Variants in NRXN3 observed in about 807,000 individuals in gnomAD.
NRXN3 encodes neurexin 3.
A neutral mutation model predicts 137.6 loss-of-function variants in NRXN3; 32 were observed. The ratio of observed to expected loss-of-function variants is 0.23; its 90% CI spans 0.18 to 0.31. The LOEUF (loss-of-function observed/expected upper bound fraction) is 0.31, where lower values mean the gene tolerates loss of function less well. Ranked by LOEUF, NRXN3 falls within the 10% of genes least tolerant of loss-of-function variation. The pLI, the probability that NRXN3 is intolerant of heterozygous loss-of-function variation, is 1.00. For missense variants in NRXN3, 1,574 were observed against 2,062.5 expected (o/e 0.76, Z 4.59); for synonymous variants, 798 against 784.5 (o/e 1.02, Z -0.29).
intron 4 of NRXN3, among the ~76,000 whole-genome samples, chr14:78,573,935 A>C (rs2096912618): frequency 6.6e-6 from 1 of 152,212 alleles, no homozygotes; most frequent in South Asian, 2.1e-4. Context: ...GAGGCCAAGG[A>C]GGAAAAAATG....
At chr14:78,443,421 T>A (rs2094320560) in intron 4 of NRXN3, among the ~76,000 whole-genome samples, 1 of 152,170 alleles carries the variant, frequency 6.6e-6, no homozygotes, top group South Asian at 2.1e-4. Context: ...CTGGCATAAA[T>A]CTGCCACCTG....
intron 15 of NRXN3, among the ~76,000 whole-genome samples, chr14:79,120,769 C>T (rs1165771952): frequency 6.6e-6 from 1 of 151,948 alleles, no homozygotes. Context: ...GAAACCGTTC[C>T]AGCAGGAAAT....
chr14:78,558,588 G>C (rs1038618066), intron 4 of NRXN3, among the ~76,000 whole-genome samples: 2 of 151,978 alleles, frequency 1.3e-5, no homozygotes, highest in African/African-American at 4.8e-5. Context: ...TCCTTTAGGG[G>C]GCATCTTTTC....
In NRXN3 at chr14:78,709,674, T is replaced by C. The variant is rs1209265457; in HGVS notation, c.1660+19T>C. ...AGATCAGGTAGGAAGAGGCAGGATGTGTGACTGAGACTAGACGAAAGCTGT... is the reference window on the plus strand; with the variant it reads ...AGATCAGGTAGGAAGAGGCAGGATGCGTGACTGAGACTAGACGAAAGCTGT... On this transcript the variant is annotated intron_variant, in intron 7 of 20. Coordinates refer to ENST00000335750, the MANE Select transcript of NRXN3 (RefSeq NM_001330195.2). 3 of 1,597,032 alleles carry C rather than the reference T, an allele frequency of 1.9e-6. No individual in the cohort carries two copies. The highest frequency in any genetic ancestry group is 2.6e-6 in the Non-Finnish European group (3 of 1,172,146).
At chr14:79,131,090 T>C (rs1442920797) in intron 15 of NRXN3, among the ~76,000 whole-genome samples, 1 of 152,220 alleles carries the variant, frequency 6.6e-6, no homozygotes, top group Non-Finnish European at 1.5e-5. Flanking sequence ...CTAAACTTTT[T>C]CAAGGTTTTC....
intron 19 of NRXN3, among the ~76,000 whole-genome samples, chr14:79,752,854 A>T (rs945645180): frequency 1.3e-5 from 2 of 152,132 alleles, no homozygotes; most frequent in Non-Finnish European, 2.9e-5. Context: ...TCTACAATGA[A>T]CTCAAACAAA....
rs1389620640 is a variant in NRXN3 at position 78,819,233 on chromosome 14, TG to T, written c.2275+8890del. Among the ~76,000 whole-genome samples the T allele has an allele frequency of 2.0e-5, 3 of 152,298 alleles. No homozygotes were observed. In the East Asian group the frequency reaches 5.8e-4, roughly 29 times the overall value. On this transcript the variant is annotated intron_variant, in intron 10 of 20. Coordinates refer to ENST00000335750, the MANE Select transcript of NRXN3 (RefSeq NM_001330195.2). ...CTCCAATCCATTTTATGTGTCTAAT[TG>T]CTATAGTCAGATATACAAGGTGACA...
intron 6 of NRXN3, chr14:78,703,792 A>G (rs531220572): frequency 3.9e-5 from 6 of 152,332 alleles, no homozygotes; most frequent in Non-Finnish European, 5.9e-5. Flanking sequence ...TCAAGTCACA[A>G]ACCTGTGAGT....
chr14:78,299,774 A>G (rs1459359836), intron 4 of NRXN3, among the ~76,000 whole-genome samples: 2 of 152,244 alleles, frequency 1.3e-5, no homozygotes, highest in Non-Finnish European at 2.9e-5. Flanking sequence ...CTTCAGATAC[A>G]ACCATGCTCC....
chr14:79,233,343 G>A (rs2072597243), intron 15 of NRXN3, among the ~76,000 whole-genome samples: 1 of 152,070 alleles, frequency 6.6e-6, no homozygotes, highest in Non-Finnish European at 1.5e-5. Context: ...AGTTAAATGG[G>A]GCTCAGGGTT....
intron 1 of NRXN3, among the ~76,000 whole-genome samples, chr14:78,241,247 C>T (rs2067044764): frequency 6.6e-6 from 1 of 152,176 alleles, no homozygotes; most frequent in African/African-American, 2.4e-5. Flanking sequence ...CACACATACA[C>T]AGACATACAC....
At chr14:78,937,160 T>TGCA (rs1177230301) in intron 10 of NRXN3, among the ~76,000 whole-genome samples, 2 of 146,242 alleles carry the variant, frequency 1.4e-5, no homozygotes, top group African/African-American at 5.1e-5. Flanking sequence ...AGGCGTAGGT[T>TGCA]GCAGTAAGTC....
intron 15 of NRXN3, among the ~76,000 whole-genome samples, chr14:79,460,495 C>A (rs2096319266): frequency 6.6e-6 from 1 of 152,118 alleles, no homozygotes. Flanking sequence ...GAAAAAGGGT[C>A]TCACTCTGCA....
intron 16 of NRXN3, among the ~76,000 whole-genome samples, chr14:79,575,222 G>A (rs932191093): frequency 5.3e-5 from 8 of 152,148 alleles, no homozygotes; most frequent in African/African-American, 1.9e-4. Context: ...ATGGCTCTGA[G>A]TTTGCTACTG....
chr14:78,203,521 C>T (rs564991603), intron 1 of NRXN3, among the ~76,000 whole-genome samples: 26 of 152,082 alleles, frequency 1.7e-4, no homozygotes, highest in Middle Eastern at 3.4e-3. Flanking sequence ...TTTCTTCTGT[C>T]CCCTGAGGGG....
chr14:79,063,618 G>T (rs1381241626), intron 15 of NRXN3, among the ~76,000 whole-genome samples: 2 of 152,048 alleles, frequency 1.3e-5, no homozygotes, highest in Non-Finnish European at 2.9e-5. Context: ...AATATTATTG[G>T]AAAGGTATTT....
At chr14:78,520,112 A>C (rs763877679) in intron 4 of NRXN3, among the ~76,000 whole-genome samples, 1 of 152,054 alleles carries the variant, frequency 6.6e-6, no homozygotes, top group Non-Finnish European at 1.5e-5. Context: ...GCTCCTTTCC[A>C]TGTTCCTAAC....
At chr14:79,768,085 C>T (rs1299422841) in intron 19 of NRXN3, among the ~76,000 whole-genome samples, 1 of 152,212 alleles carries the variant, frequency 6.6e-6, no homozygotes, top group Non-Finnish European at 1.5e-5. Context: ...AATGGCGCAC[C>T]AGGAGATTAT....
chr14:78,728,438 C>T (rs984098491), intron 8 of NRXN3, among the ~76,000 whole-genome samples: 4 of 152,116 alleles, frequency 2.6e-5, no homozygotes, highest in Non-Finnish European at 5.9e-5. Flanking sequence ...AAAGGGCAAC[C>T]TGGGAGGGAG....
Sources: gnomAD v4.1 joint callset for allele counts (sites outside exome capture counted in the v4.1 genomes callset) on GRCh38, gnomAD v4.1.1 for gene constraint, MANE v1.5 for transcripts, NCBI Gene and HGNC (gene_info 2026-07-23, HGNC 2026-07-21) for gene names.